Variants in VWA3A observed in about 807,000 individuals in gnomAD.
The protein encoded by VWA3A is von Willebrand factor A domain-containing protein 3A.
Under a neutral mutation model 160.4 loss-of-function variants are expected in VWA3A, and 134 were observed. The ratio of observed to expected loss-of-function variants is 0.84; its 90% confidence interval spans 0.73 to 0.96. The LOEUF (loss-of-function observed/expected upper bound fraction) is 0.96. VWA3A is among the 40% of genes least tolerant of loss of function. The pLI is 0.00. For missense variants in VWA3A, 1,310 were observed against 1,447.9 expected (o/e 0.90, Z 1.55); for synonymous variants, 476 against 543.4 (o/e 0.88, Z 1.72).
Position 22,121,844 on chromosome 16 carries a change from T to A in VWA3A, c.1356+227T>A, listed in dbSNP as rs569649679. ...TAAATCAGGTACCACGGTCACCTCC[T>A]CCATGAAGGTTTTCTCCTCCCAACT... is the stretch of plus-strand genomic sequence containing the variant. On this transcript the variant is annotated intron_variant, in intron 14 of 33. Transcript: ENST00000389398. Among the ~76,000 whole-genome samples the A allele has an allele frequency of 1.2e-4, 18 of 152,250 alleles. No homozygotes were observed. In the South Asian group the frequency reaches 3.5e-3, roughly 30 times the overall value.
chr16:22,131,148 T>C, intron 17 of VWA3A, 57 bp from the exon 18 acceptor site: 1 of 1,541,016 alleles, frequency 6.5e-7, no homozygotes, highest in Admixed American at 1.8e-5. Flanking sequence ...CCCAAAGAGG[T>C]GGGCCACCAA....
rs549727073 is a variant in VWA3A at position 22,100,095 on chromosome 16, G to T, written c.226-99G>T. 4.4e-6 allele frequency: 6 copies of T among 1,378,480 alleles called. No individual in the cohort carries two copies. In the South Asian group the frequency reaches 6.1e-5, roughly 14 times the overall value. The allele number at this position is 1,378,480 out of a possible 1,614,324, so 85.4% of individuals were successfully genotyped here. The stretch of plus-strand genomic sequence containing the variant: ...CGTCTCAAAAAAAAAAAAAGATAGG[G>T]TCAGTCTGAGTTGGCGCCCGTTGGG... On this transcript the variant is annotated intron_variant, in intron 3 of 33. Coordinates refer to ENST00000389398, the MANE Select transcript of VWA3A (RefSeq NM_173615.5).
At position 22,115,453 on chromosome 16, in the gene VWA3A, G is replaced by C. The variant is rs771937483; in HGVS notation, c.796G>C (p.Val266Leu). The C allele has an allele frequency of 6.2e-7, 1 of 1,607,912 alleles. No individual in the cohort carries two copies. Among genetic ancestry groups the C allele is most frequent in the East Asian group, 2.2e-5 (1 of 44,684 alleles). ...CACTCTCAAGGGACTGGATTCCCTG[G>C]TGGCCATCATGAGAAGCTGGTAGGT... The part of the protein sequence containing the change: ...IFTLKGLDSL[V>L]AIMRSCPDQP... Residue 266 changes from valine (V) to leucine (L), a missense_variant, in exon 9 of 34, where the codon GTG becomes CTG. Transcript: ENST00000389398.
At chr16:22,107,069 G>T (rs2045492794) in intron 6 of VWA3A, among the ~76,000 whole-genome samples, 2 of 152,128 alleles carry the variant, frequency 1.3e-5, no homozygotes, top group South Asian at 4.1e-4. Context: ...CAGGATGTTG[G>T]GTGCACAGGT....
chr16:22,155,549 T>C lies in VWA3A; in HGVS notation c.3406-18T>C. On this transcript the variant is annotated intron_variant, in intron 31 of 33. Coordinates refer to ENST00000389398, the MANE Select transcript of VWA3A (RefSeq NM_173615.5). Reference sequence around the variant, plus strand: ...TCCCATCCAGTCATAAACTTCACACTCATTTCCTCTTTTCAAGGATCCCAC... The same window carrying C: ...TCCCATCCAGTCATAAACTTCACACCCATTTCCTCTTTTCAAGGATCCCAC... 1 of 1,610,998 alleles carries C rather than the reference T, an allele frequency of 6.2e-7. No homozygotes were observed. Among genetic ancestry groups the C allele is most frequent in the Middle Eastern group, 1.7e-4 (1 of 6,058 alleles).
chr16:22,150,890 G>C, intron 30 of VWA3A, 44 bp downstream of exon 30: 3 of 1,579,260 alleles, frequency 1.9e-6, no homozygotes. Context: ...TTTTTCCACA[G>C]CCACACATCT....
intron 22 of VWA3A, among the ~76,000 whole-genome samples, chr16:22,139,359 C>T (rs764321311): frequency 2.0e-5 from 3 of 152,180 alleles, no homozygotes; most frequent in Non-Finnish European, 4.4e-5. Context: ...ATGACCGCCA[C>T]ACTCCAGTCG....
chr16:22,149,651 T>G, intron 28 of VWA3A, 136 bp from the exon 29 acceptor site: 3 of 1,138,412 alleles, frequency 2.6e-6, no homozygotes, highest in Non-Finnish European at 3.5e-6. Flanking sequence ...ACAGGGCTCG[T>G]TGTAGGGGTC....
chr16:22,134,365 C>G lies in VWA3A; in HGVS notation c.2069-3C>G, dbSNP rs780699871. On this transcript the variant is annotated splice_region_variant and splice_polypyrimidine_tract_variant and intron_variant, in intron 20 of 33. Transcript: ENST00000389398. ...CCTTGCTCACGATGTGCTTTGTTTCCAGGCATTTATGAGAGCGATGACATC... is the reference window on the plus strand; with the variant it reads ...CCTTGCTCACGATGTGCTTTGTTTCGAGGCATTTATGAGAGCGATGACATC... The G allele has an allele frequency of 5.6e-6, 9 of 1,594,468 alleles. 1 individual carries two copies. In the Admixed American group the frequency reaches 1.4e-4, roughly 25 times the overall value.
intron 15 of VWA3A, 169 bp from the exon 16 acceptor site, chr16:22,123,444 G>C (rs934711884): frequency 1.9e-6 from 3 of 1,540,192 alleles, no homozygotes; most frequent in Non-Finnish European, 2.6e-6. Context: ...TTCCCTTCCT[G>C]TTCTTGTGGT....
Position 22,140,245 on chromosome 16 carries a change from G to C in VWA3A, c.2383+1G>C. On this transcript the variant is annotated splice_donor_variant, in intron 23 of 33. Transcript: ENST00000389398. LOFTEE classifies it high-confidence loss of function. ...AGTAGCAGAGTTGGCATCTCACCAG[G>C]TAAGGCACCATCACGGTCAGGCAGG... 7 of 1,613,346 alleles carry C rather than the reference G, an allele frequency of 4.3e-6. No individual in the cohort carries two copies. Among genetic ancestry groups the C allele is most frequent in the Non-Finnish European group, 5.1e-6 (6 of 1,179,604 alleles).
chr16:22,132,752 C>G, intron 19 of VWA3A, 148 bp from the exon 20 acceptor site: 1 of 738,484 alleles, frequency 1.4e-6, no homozygotes, highest in Non-Finnish European at 2.1e-6. Context: ...AAACTGCAAC[C>G]CAGCCTCATC....
chr16:22,129,660 A>G (rs2045914906), intron 17 of VWA3A, among the ~76,000 whole-genome samples: 1 of 152,152 alleles, frequency 6.6e-6, no homozygotes, highest in Non-Finnish European at 1.5e-5. Flanking sequence ...AGCCATCAGC[A>G]TTTTGATTCT....
intron 14 of VWA3A, among the ~76,000 whole-genome samples, chr16:22,122,867 G>A (rs1028386307): frequency 6.6e-5 from 10 of 152,080 alleles, no homozygotes; most frequent in Admixed American, 1.3e-4. Flanking sequence ...CTCTCTCTAA[G>A]GCTCTCTACT....
intron 6 of VWA3A, among the ~76,000 whole-genome samples, chr16:22,108,459 G>A (rs1567530589): frequency 6.6e-6 from 1 of 152,114 alleles, no homozygotes; most frequent in South Asian, 2.1e-4. Flanking sequence ...GCTATGGGCT[G>A]GTAGGTCAGT....
At chr16:22,102,837 C>T (rs926258835) in intron 5 of VWA3A, among the ~76,000 whole-genome samples, 3 of 152,132 alleles carry the variant, frequency 2.0e-5, no homozygotes, top group East Asian at 1.9e-4. Context: ...CTGCCCTCAC[C>T]GGGCAGAGTG....
At chr16:22,125,710 A>G (rs1298547077) in intron 16 of VWA3A, among the ~76,000 whole-genome samples, 2 of 152,148 alleles carry the variant, frequency 1.3e-5, no homozygotes, top group African/African-American at 4.8e-5. Flanking sequence ...GGCGTGAGCC[A>G]CCGCGCCCGG....
Position 22,150,808 on chromosome 16 carries a change from T to C in VWA3A, c.3243T>C (p.Asp1081=). 1 of 1,613,584 alleles carries C rather than the reference T, an allele frequency of 6.2e-7. No homozygotes were observed. Among genetic ancestry groups the C allele is most frequent in the Non-Finnish European group, 8.5e-7 (1 of 1,179,740 alleles). The change falls in exon 30 of 34, where the codon GAT becomes GAC. Residue 1081 remains aspartate, a synonymous_variant. Coordinates refer to ENST00000389398, the MANE Select transcript of VWA3A (RefSeq NM_173615.5). ...TCCAAAAACTCAGGGAGAAAAGAGATGTGAAAGTGCACACCATTTCCTTGA... is the reference window on the plus strand; with the variant it reads ...TCCAAAAACTCAGGGAGAAAAGAGACGTGAAAGTGCACACCATTTCCTTGA... ...NEVQKLREKR[D]VKVHTISLNC... is the part of the protein sequence containing the mutation.
At chr16:22,109,645 G>T (rs1229530658) in intron 7 of VWA3A, 65 bp downstream of exon 7, 1 of 1,417,434 alleles carries the variant, frequency 7.1e-7, no homozygotes, top group African/African-American at 1.4e-5. Flanking sequence ...TCCTTCCTGA[G>T]CTTGCTGACG....
Sources: allele counts gnomAD v4.1 joint callset (sites outside exome capture counted in the v4.1 genomes callset), GRCh38; gene constraint gnomAD v4.1.1; transcripts MANE v1.5; gene names NCBI Gene and HGNC (gene_info 2026-07-23, HGNC 2026-07-21).